ST6GALNAC5: variants seen among roughly 807,000 people sequenced by gnomAD.
ST6GALNAC5 encodes ST6 N-acetylgalactosaminide alpha-2,6-sialyltransferase 5, also known as alpha-N-acetylgalactosaminide alpha-2,6-sialyltransferase 5.
A neutral mutation model predicts 33.6 loss-of-function variants in ST6GALNAC5; 27 were observed. That is an observed-to-expected ratio of 0.80 (90% CI 0.59 to 1.11). The LOEUF (loss-of-function observed/expected upper bound fraction) is 1.11, where lower values mean the gene tolerates loss of function less well. Among genes scored for constraint, ST6GALNAC5 ranks in the 50% least tolerant of loss-of-function variants. The probability of loss-of-function intolerance (pLI) is 0.00; values close to 1 mark genes in which losing one functional copy is unlikely to be tolerated. For missense variants in ST6GALNAC5, 428 were observed against 454.0 expected, an observed-to-expected ratio of 0.94 and a Z score of 0.52; for synonymous variants, 194 against 171.2, an observed-to-expected ratio of 1.13 and a Z score of -1.04.
At chr1:76,926,125 T>G (rs907755422) in intron 2 of ST6GALNAC5, among the ~76,000 whole-genome samples, 3 of 152,172 alleles carry the variant, frequency 2.0e-5, no homozygotes, top group Non-Finnish European at 4.4e-5. Context: ...GCTCTTCTCT[T>G]CCTTGTAGTT....
intron 2 of ST6GALNAC5, among the ~76,000 whole-genome samples, chr1:76,983,704 A>T (rs957470983): frequency 2.0e-5 from 3 of 152,246 alleles, no homozygotes; most frequent in African/African-American, 7.2e-5. Context: ...TCAACAGGAT[A>T]TACATTCTTC....
intron 2 of ST6GALNAC5, among the ~76,000 whole-genome samples, chr1:77,016,370 G>T (rs1046056033): frequency 7.3e-5 from 11 of 149,714 alleles, no homozygotes; most frequent in African/African-American, 2.7e-4. Flanking sequence ...GGAAAAAATA[G>T]TTATTTATTT....
chr1:76,877,509 G>C (rs898123635), intron 2 of ST6GALNAC5, among the ~76,000 whole-genome samples: 2 of 152,166 alleles, frequency 1.3e-5, no homozygotes, highest in African/African-American at 4.8e-5. Flanking sequence ...CATTGTAGGA[G>C]GGCCCAAATG....
chr1:76,912,915 T>A (rs1646929501), intron 2 of ST6GALNAC5, among the ~76,000 whole-genome samples: 1 of 151,244 alleles, frequency 6.6e-6, no homozygotes, highest in Non-Finnish European at 1.5e-5. Flanking sequence ...TTAGTCCATT[T>A]ACATTTAAAG....
chr1:76,914,910 C>A (rs1646953474), intron 2 of ST6GALNAC5, among the ~76,000 whole-genome samples: 1 of 151,726 alleles, frequency 6.6e-6, no homozygotes, highest in Non-Finnish European at 1.5e-5. Context: ...AGGCAACCTA[C>A]AAAATGGGAG....
At chr1:76,906,451 CTGAACTTT>C (rs1646865053) in intron 2 of ST6GALNAC5, among the ~76,000 whole-genome samples, 1 of 152,114 alleles carries the variant, frequency 6.6e-6, no homozygotes, top group Non-Finnish European at 1.5e-5. Flanking sequence ...AAAATAGTAT[CTGAACTTT>C]TGAACTTCCT....
chr1:76,899,862 G>T (rs1169665569), intron 2 of ST6GALNAC5, among the ~76,000 whole-genome samples: 1 of 152,220 alleles, frequency 6.6e-6, no homozygotes, highest in African/African-American at 2.4e-5. Flanking sequence ...TCCTTGGGCT[G>T]GTTGGTCGGA....
intron 2 of ST6GALNAC5, among the ~76,000 whole-genome samples, chr1:76,967,807 A>C (rs1013788721): frequency 6.6e-6 from 1 of 152,224 alleles, no homozygotes; most frequent in Non-Finnish European, 1.5e-5. Context: ...GTTTGAAAGA[A>C]CATCTTTATT....
intron 2 of ST6GALNAC5, among the ~76,000 whole-genome samples, chr1:76,959,057 C>A (rs1421833103): frequency 6.6e-6 from 1 of 152,184 alleles, no homozygotes; most frequent in Non-Finnish European, 1.5e-5. Context: ...TCCAGCAAGG[C>A]CTTCAGCGCT....
chr1:76,936,813 T>C (rs1647208883), intron 2 of ST6GALNAC5, among the ~76,000 whole-genome samples: 1 of 152,026 alleles, frequency 6.6e-6, no homozygotes, highest in African/African-American at 2.4e-5. Flanking sequence ...GCAGAGGTTA[T>C]GTGGTCATGT....
intron 2 of ST6GALNAC5, among the ~76,000 whole-genome samples, chr1:76,958,309 T>C (rs1037337223): frequency 3.3e-5 from 5 of 152,258 alleles, no homozygotes; most frequent in Non-Finnish European, 1.5e-5. Context: ...AGAAAATATC[T>C]GTAAGTGCTT....
At position 76,936,953 on chromosome 1, in the gene ST6GALNAC5, G is replaced by GGC. The variant is rs138095164; in HGVS notation, c.261+68212_261+68213insCG. 3.3e-3 allele frequency among the ~76,000 whole-genome samples: 463 copies of GGC among 139,898 alleles called. 12 individuals are homozygous for GGC. Among genetic ancestry groups the GGC allele is most frequent in the African/African-American group, 5.9e-3 (224 of 37,742 alleles). 91.8% of individuals were successfully genotyped at this position (139,898 alleles called of 152,430 possible). ...AGTCAGGAGACTGGAAGAGAAGCAG[G>GGC]GTGTGTGTGTGTGTGTGTGTGTGTG... is the stretch of plus-strand genomic sequence containing the variant. On this transcript the variant is annotated intron_variant, in intron 2 of 4. Coordinates refer to ENST00000477717, the MANE Select transcript of ST6GALNAC5 (RefSeq NM_030965.3).
At chr1:77,016,868 G>A (rs568122178) in intron 2 of ST6GALNAC5, among the ~76,000 whole-genome samples, 2 of 152,142 alleles carry the variant, frequency 1.3e-5, no homozygotes, top group South Asian at 2.1e-4. Context: ...TTTTTAATTG[G>A]GTGAAAGTAA....
At chr1:77,034,241 G>A (rs930095827) in intron 2 of ST6GALNAC5, among the ~76,000 whole-genome samples, 2 of 151,894 alleles carry the variant, frequency 1.3e-5, no homozygotes, top group African/African-American at 2.4e-5. Context: ...GGTTGCCAGC[G>A]AATCCTCCGT....
chr1:76,884,144 GA>G (rs1653843042), intron 2 of ST6GALNAC5, among the ~76,000 whole-genome samples: 1 of 152,162 alleles, frequency 6.6e-6, no homozygotes, highest in Non-Finnish European at 1.5e-5. Context: ...GGATGATGAA[GA>G]GACCTCAGGT....
At chr1:76,897,707 C>G (rs1386294819) in intron 2 of ST6GALNAC5, among the ~76,000 whole-genome samples, 1 of 152,106 alleles carries the variant, frequency 6.6e-6, no homozygotes, top group Non-Finnish European at 1.5e-5. Context: ...CAGGAATAGT[C>G]AGGGAAGCAG....
At chr1:77,015,317 C>T (rs1320977297) in intron 2 of ST6GALNAC5, among the ~76,000 whole-genome samples, 2 of 152,102 alleles carry the variant, frequency 1.3e-5, no homozygotes, top group Non-Finnish European at 2.9e-5. Context: ...CTTTCCTTAA[C>T]CTTTTGTCCT....
chr1:76,869,913 A>T (rs1002261365), intron 2 of ST6GALNAC5, among the ~76,000 whole-genome samples: 32 of 152,194 alleles, frequency 2.1e-4, no homozygotes, highest in African/African-American at 7.5e-4. Flanking sequence ...GCTAGATATG[A>T]ACAGTACTGT....
At chr1:77,000,863 G>A (rs190658100) in intron 2 of ST6GALNAC5, among the ~76,000 whole-genome samples, 2 of 152,150 alleles carry the variant, frequency 1.3e-5, no homozygotes, top group African/African-American at 4.8e-5. Flanking sequence ...CTCTGTTTTG[G>A]TACCAGTACC....
Sources: gnomAD v4.1 joint callset for allele counts (sites outside exome capture counted in the v4.1 genomes callset) on GRCh38, gnomAD v4.1.1 for gene constraint, MANE v1.5 for transcripts, NCBI Gene and HGNC (gene_info 2026-07-23, HGNC 2026-07-21) for gene names.